KCNT1: variants seen among roughly 807,000 people sequenced by gnomAD.
KCNT1 encodes the protein potassium sodium-activated channel subfamily T member 1.
Under a neutral mutation model 147.8 loss-of-function variants are expected in KCNT1, and 78 were observed. The ratio of observed to expected loss-of-function variants is 0.53; its 90% CI spans 0.44 to 0.64. The LOEUF is 0.64. Among genes scored for constraint, KCNT1 ranks in the 30% least tolerant of loss-of-function variants. The probability of loss-of-function intolerance (pLI) is 0.00; values close to 1 mark genes in which losing one functional copy is unlikely to be tolerated. For missense variants in KCNT1, 1,419 were observed against 1,750.3 expected (o/e 0.81, Z 3.38); for synonymous variants, 867 against 748.8 (o/e 1.16, Z -2.58).
chr9:135,737,859 A>T (rs1830406575), intron 2 of KCNT1, among the ~76,000 whole-genome samples: 1 of 152,198 alleles, frequency 6.6e-6, no homozygotes, highest in African/African-American at 2.4e-5. Context: ...CATTTGCAGA[A>T]GAGGCGGTTG....
At chr9:135,791,919 G>A (rs754903386) in intron 30 of KCNT1, 38 bp downstream of exon 30, 2 of 1,611,468 alleles carry the variant, frequency 1.2e-6, no homozygotes, top group South Asian at 1.1e-5. Context: ...GACCCCCCCT[G>A]AGCACCAGGT....
Position 135,786,389 on chromosome 9 carries a change from G to A in KCNT1, c.3370G>A (p.Ala1124Thr). 1 of 1,574,508 alleles carries A rather than the reference G, an allele frequency of 6.4e-7. No homozygotes were observed. The highest frequency in any genetic ancestry group is 8.6e-7 in the Non-Finnish European group (1 of 1,160,814). The change falls in exon 29 of 31, where the codon GCA becomes ACA. Residue 1124 changes from alanine (A) to threonine (T), a missense_variant. Ala to Thr is a moderately conservative substitution (Grantham distance 58). This residue lies in a region of KCNT1 where 306 missense variants were observed against 294.2 expected (regional missense o/e 1.04). Transcript: ENST00000371757. ...GCTGAGCCGCAAGGCGCCCAAGCAG[G>A]CAGGCCGGGCGGCGGCCGCGGAGTG... ...RRLSRKAPKQ[A>T]GRAAAAEWIS... is the part of the protein sequence containing the mutation.
In KCNT1 at chr9:135,770,376, G is replaced by A. The variant is rs890228967; in HGVS notation, c.1698G>A (p.Met566Ile). Residue 566 changes from methionine (M) to isoleucine (I), a missense_variant, in exon 17 of 31, where the codon ATG becomes ATA. Met to Ile is a conservative substitution (Grantham distance 10). This residue lies in a region of KCNT1 where 284 missense variants were observed against 292.8 expected (regional missense o/e 0.97). Transcript: ENST00000371757. Reference protein sequence around the residue: ...CSGNEVYHIRMGDSKFFREYE... With the variant: ...CSGNEVYHIRIGDSKFFREYE... ...GCAACGAGGTGTACCACATCCGCAT[G>A]GGTGACAGCAAGTTCTTCCGCGAGT... 2 of 1,613,282 alleles carry A rather than the reference G, an allele frequency of 1.2e-6. No individual in the cohort carries two copies. The highest frequency in any genetic ancestry group is 1.7e-6 in the Non-Finnish European group (2 of 1,179,802).
intron 15 of KCNT1, 130 bp from the exon 16 acceptor site, chr9:135,769,817 C>T: frequency 3.0e-6 from 2 of 662,312 alleles, no homozygotes; most frequent in Non-Finnish European, 2.7e-6. Flanking sequence ...GATGCTGAAG[C>T]CGGACAGCAG....
chr9:135,788,582 A>G (rs1219837884), intron 29 of KCNT1, among the ~76,000 whole-genome samples: 2 of 152,166 alleles, frequency 1.3e-5, no homozygotes, highest in Admixed American at 6.5e-5. Context: ...CTCTGCTCTC[A>G]GGAAGCACCC....
At chr9:135,781,639 T>TAAAA (rs5901090) in intron 24 of KCNT1, among the ~76,000 whole-genome samples, 29 of 143,966 alleles carry the variant, frequency 2.0e-4, no homozygotes, top group African/African-American at 7.5e-4. Context: ...ATACTGAAAG[T>TAAAA]AAAAAAAAAA....
At chr9:135,783,767 C>T (rs117971094) in intron 24 of KCNT1, among the ~76,000 whole-genome samples, 1,934 of 152,374 alleles carry the variant, frequency 0.013, 15 homozygotes, top group South Asian at 0.019. Context: ...TCCACCTTCT[C>T]ATCAGAGCCC....
intron 19 of KCNT1, among the ~76,000 whole-genome samples, chr9:135,775,094 A>G (rs1833069507): frequency 6.6e-6 from 1 of 152,192 alleles, no homozygotes; most frequent in South Asian, 2.1e-4. Flanking sequence ...GGCAGGCCCT[A>G]TGACACGGTG....
Position 135,786,430 on chromosome 9 carries a change from C to T in KCNT1, c.3411C>T (p.Arg1137=). 6.3e-7 allele frequency: 1 copy of T among 1,593,564 alleles called. No individual in the cohort carries two copies. The highest frequency in any genetic ancestry group is 1.1e-5 in the South Asian group (1 of 88,784). ...AAAAEWISQQ[R]LSLYRRSERQ... ...CCGCGGAGTGGATCAGCCAGCAGCG[C>T]CTCAGCCTGTACCGGCGCTCTGAGC... The change falls in exon 29 of 31, where the codon CGC becomes CGT. Residue 1137 remains arginine, a synonymous_variant. Transcript: ENST00000371757.
At chr9:135,757,487 A>G (rs1051973920) in intron 9 of KCNT1, 106 bp downstream of exon 9, 7 of 1,024,398 alleles carry the variant, frequency 6.8e-6, no homozygotes, top group Middle Eastern at 2.7e-4. Flanking sequence ...CGGCCCTGGC[A>G]TGACCTGTAG....
chr9:135,722,710 G>T (rs1835972553), intron 2 of KCNT1, among the ~76,000 whole-genome samples: 1 of 152,198 alleles, frequency 6.6e-6, no homozygotes, highest in Admixed American at 6.5e-5. Flanking sequence ...AGGCTTGCAC[G>T]TGGCGTCTTC....
chr9:135,767,940 A>G (rs1046178361), intron 13 of KCNT1, among the ~76,000 whole-genome samples: 1 of 151,570 alleles, frequency 6.6e-6, no homozygotes, highest in Non-Finnish European at 1.5e-5. Flanking sequence ...AGGACACACC[A>G]TCCATAGCAT....
At chr9:135,727,474 CTCTG>C (rs1836266639) in intron 2 of KCNT1, among the ~76,000 whole-genome samples, 1 of 150,946 alleles carries the variant, frequency 6.6e-6, no homozygotes. Flanking sequence ...CTCCCTCTCT[CTCTG>C]TCAGTTTCCC....
chr9:135,759,453 A>G (rs142978583), intron 10 of KCNT1, among the ~76,000 whole-genome samples: 6 of 152,330 alleles, frequency 3.9e-5, no homozygotes, highest in East Asian at 1.9e-4. Flanking sequence ...GCCAAGCTGC[A>G]TTGTCAGCCA....
In KCNT1 at chr9:135,777,683, C is replaced by T. The variant is rs533498751; in HGVS notation, c.2522+173C>T. Among the ~76,000 whole-genome samples, 16 of 152,110 alleles carry T rather than the reference C, an allele frequency of 1.1e-4. No individual in the cohort carries two copies. In the South Asian group the frequency reaches 3.4e-3, roughly 32 times the overall value. Reference sequence around the variant, plus strand: ...GGGGGACTCTCCTTCCTGCTCCCAACTCCTCCTGCTCCCAGCTCCTCCCCA... The same window carrying T: ...GGGGGACTCTCCTTCCTGCTCCCAATTCCTCCTGCTCCCAGCTCCTCCCCA... On this transcript the variant is annotated intron_variant, in intron 21 of 30. Transcript: ENST00000371757.
chr9:135,749,040 C>T (rs920399425), intron 2 of KCNT1, among the ~76,000 whole-genome samples: 39 of 152,234 alleles, frequency 2.6e-4, no homozygotes, highest in African/African-American at 8.2e-4. Context: ...TTCCCAGAGA[C>T]GGCCATGCCT....
At chr9:135,746,326 G>A (rs1316262435) in intron 2 of KCNT1, among the ~76,000 whole-genome samples, 1 of 152,226 alleles carries the variant, frequency 6.6e-6, no homozygotes, top group East Asian at 1.9e-4. Flanking sequence ...CAGCCCCTCG[G>A]TGAGGGGACC....
At chr9:135,723,633 G>A (rs762800186) in intron 2 of KCNT1, among the ~76,000 whole-genome samples, 5 of 152,232 alleles carry the variant, frequency 3.3e-5, no homozygotes, top group Non-Finnish European at 5.9e-5. Context: ...GGCTTGGGGG[G>A]CCTCAGAGCC....
In KCNT1 at chr9:135,779,609, G is replaced by A. The variant is rs58398986; in HGVS notation, c.2841+139G>A. On this transcript the variant is annotated intron_variant, in intron 24 of 30. Coordinates refer to ENST00000371757, the MANE Select transcript of KCNT1 (RefSeq NM_020822.3). ...CCTGCTGGGGAACTCAGGAGATGGCGTGGGGGGCCCAGCATGGACAGGGTG... is the reference window on the plus strand; with the variant it reads ...CCTGCTGGGGAACTCAGGAGATGGCATGGGGGGCCCAGCATGGACAGGGTG... 2.3e-3 allele frequency: 1,506 copies of A among 667,140 alleles called. 14 individuals carry two copies. The highest frequency in any genetic ancestry group is 0.022 in the African/African-American group (1,226 of 55,840). 41.3% of individuals were successfully genotyped at this position (667,140 alleles called of 1,614,324 possible).
Sources: allele counts gnomAD v4.1 joint callset (sites outside exome capture counted in the v4.1 genomes callset), GRCh38; gene constraint gnomAD v4.1.1; regional missense constraint gnomAD v4.1.1; transcripts MANE v1.5; gene names NCBI Gene and HGNC (gene_info 2026-07-23, HGNC 2026-07-21).